The following PXDNL variants were observed in gnomAD, a reference collection of about 807,000 sequenced individuals.
The protein encoded by PXDNL is peroxidasin like, also known as probable oxidoreductase PXDNL.
In PXDNL, 145 loss-of-function variants were observed where a neutral mutation model predicts 150.8. That is an observed-to-expected ratio of 0.96 (90% CI 0.84 to 1.10). The LOEUF (loss-of-function observed/expected upper bound fraction) is 1.10, where lower values mean the gene tolerates loss of function less well. Ranked by LOEUF, PXDNL falls within the 50% of genes least tolerant of loss-of-function variation. The probability of loss-of-function intolerance (pLI) is 0.00; values close to 1 mark genes in which losing one functional copy is unlikely to be tolerated. For missense variants in PXDNL, 2,087 were observed against 1,873.9 expected, an observed-to-expected ratio of 1.11 and a Z score of -2.10; for synonymous variants, 757 against 725.7, an observed-to-expected ratio of 1.04 and a Z score of -0.69.
chr8:51,379,672 T>C (rs1807470971), intron 17 of PXDNL, among the ~76,000 whole-genome samples: 1 of 152,192 alleles, frequency 6.6e-6, no homozygotes, highest in Non-Finnish European at 1.5e-5. Context: ...CTTAAGGTCA[T>C]TTTATCAATT....
At chr8:51,436,083 G>A (rs1272195602) in intron 12 of PXDNL, 6 of 512,930 alleles carry the variant, frequency 1.2e-5, no homozygotes, top group African/African-American at 9.8e-5. Flanking sequence ...GAAACCTTTT[G>A]AAAGGTTCTT....
chr8:51,386,823 T>TG, intron 17 of PXDNL, among the ~76,000 whole-genome samples: 1 of 144,938 alleles, frequency 6.9e-6, no homozygotes, highest in South Asian at 2.2e-4. Flanking sequence ...GACTTCATCT[T>TG]GAAAAAAAAA....
intron 1 of PXDNL, among the ~76,000 whole-genome samples, chr8:51,779,523 G>A (rs1417216146): frequency 6.6e-6 from 1 of 152,222 alleles, no homozygotes; most frequent in East Asian, 1.9e-4. Flanking sequence ...GGCTGACACT[G>A]AGAACTGGCC....
intron 1 of PXDNL, among the ~76,000 whole-genome samples, chr8:51,698,505 T>C (rs189891112): frequency 3.9e-5 from 6 of 152,316 alleles, no homozygotes; most frequent in Non-Finnish European, 7.4e-5. Flanking sequence ...CTAATTTTAG[T>C]TCTCTTGCTA....
intron 1 of PXDNL, among the ~76,000 whole-genome samples, chr8:51,682,896 G>C (rs907623280): frequency 1.3e-5 from 2 of 151,772 alleles, no homozygotes; most frequent in South Asian, 4.2e-4. Flanking sequence ...TGGGAGGCTG[G>C]GAATTTCCAG....
In PXDNL at chr8:51,405,277, C is replaced by T. The variant is rs749990582; in HGVS notation, c.3557+2790G>A. Among the ~76,000 whole-genome samples, 8 of 152,204 alleles carry T rather than the reference C, an allele frequency of 5.3e-5. No homozygotes were observed. In the East Asian group the frequency reaches 7.7e-4, roughly 15 times the overall value. ...CCTCAACAGCGGCCTGAGTGGGTAC[C>T]GAGGCCGAGGAGGTGCCCAGAGCGA... On this transcript the variant is annotated intron_variant, in intron 17 of 22. Coordinates refer to ENST00000356297, the MANE Select transcript of PXDNL (RefSeq NM_144651.5).
At chr8:51,517,922 A>G (rs1293158635) in intron 4 of PXDNL, among the ~76,000 whole-genome samples, 1 of 152,226 alleles carries the variant, frequency 6.6e-6, no homozygotes, top group East Asian at 1.9e-4. Flanking sequence ...GTAAAATCAA[A>G]TGAAACGTAC....
chr8:51,552,878 G>A (rs1812522905), intron 4 of PXDNL, among the ~76,000 whole-genome samples: 1 of 152,112 alleles, frequency 6.6e-6, no homozygotes. Context: ...AAATAAATCA[G>A]ATATGGGTGA....
intron 21 of PXDNL, among the ~76,000 whole-genome samples, chr8:51,332,769 C>T (rs976161376): frequency 4.6e-5 from 7 of 152,098 alleles, no homozygotes; most frequent in Admixed American, 6.6e-5. Context: ...TTTGAACTAA[C>T]CCAATCCAAC....
chr8:51,387,198 A>G (rs1210210608), intron 17 of PXDNL, among the ~76,000 whole-genome samples: 2 of 152,254 alleles, frequency 1.3e-5, no homozygotes, highest in Non-Finnish European at 2.9e-5. Flanking sequence ...CTTTTAGACA[A>G]CATTCTAAAC....
At chr8:51,771,748 G>A (rs527609373) in intron 1 of PXDNL, among the ~76,000 whole-genome samples, 6 of 152,290 alleles carry the variant, frequency 3.9e-5, no homozygotes, top group Admixed American at 3.3e-4. Flanking sequence ...CAGAGAGACA[G>A]AGAGAAAGAG....
chr8:51,443,607 T>C (rs998258144), intron 12 of PXDNL, among the ~76,000 whole-genome samples: 4 of 152,260 alleles, frequency 2.6e-5, no homozygotes, highest in African/African-American at 9.6e-5. Context: ...ATTACAATTA[T>C]AAACTCATGG....
intron 17 of PXDNL, among the ~76,000 whole-genome samples, chr8:51,391,819 T>A (rs569122530): frequency 6.6e-6 from 1 of 152,320 alleles, no homozygotes; most frequent in East Asian, 1.9e-4. Flanking sequence ...TGCCCATGCC[T>A]ATGTCCTGAA....
intron 1 of PXDNL, among the ~76,000 whole-genome samples, chr8:51,725,870 T>C (rs1816809790): frequency 6.6e-6 from 1 of 152,224 alleles, no homozygotes; most frequent in African/African-American, 2.4e-5. Context: ...GCTGATTTTA[T>C]GGGCCCTAAT....
chr8:51,667,153 C>A (rs1302576628), intron 1 of PXDNL, among the ~76,000 whole-genome samples: 1 of 152,168 alleles, frequency 6.6e-6, no homozygotes, highest in Non-Finnish European at 1.5e-5. Flanking sequence ...CAATCATGAT[C>A]TCTTCCGTAA....
chr8:51,785,665 CA>C (rs2037454454), intron 1 of PXDNL, among the ~76,000 whole-genome samples: 1 of 152,176 alleles, frequency 6.6e-6, no homozygotes. Context: ...CACAGCCACA[CA>C]AAATGGTGTA....
intron 20 of PXDNL, 49 bp downstream of exon 20, chr8:51,345,784 G>A: frequency 8.6e-7 from 1 of 1,165,464 alleles, no homozygotes; most frequent in Non-Finnish European, 1.3e-6. Flanking sequence ...TAGGTTTGAA[G>A]CAAATCTATA....
intron 1 of PXDNL, among the ~76,000 whole-genome samples, chr8:51,781,766 C>T (rs528404968): frequency 5.2e-4 from 79 of 152,280 alleles, no homozygotes; most frequent in African/African-American, 1.8e-3. Context: ...CATGAGCTCA[C>T]GAACTCATTG....
At chr8:51,744,781 AAG>A (rs2036958755) in intron 1 of PXDNL, among the ~76,000 whole-genome samples, 1 of 150,234 alleles carries the variant, frequency 6.7e-6, no homozygotes, top group Non-Finnish European at 1.5e-5. Context: ...AGAGAAAGAA[AAG>A]AGAGAAAAAG....
Sources: allele counts gnomAD v4.1 joint callset (sites outside exome capture counted in the v4.1 genomes callset), GRCh38; gene constraint gnomAD v4.1.1; transcripts MANE v1.5; gene names NCBI Gene and HGNC (gene_info 2026-07-23, HGNC 2026-07-21).